Variants in GTF2E1 observed in about 807,000 individuals in gnomAD.
The protein encoded by GTF2E1 is TFIIE alpha subunit.
Under a neutral mutation model 34.9 loss-of-function variants are expected in GTF2E1, and 14 were observed. That is an observed-to-expected ratio of 0.40 (90% CI 0.27 to 0.63). The LOEUF (loss-of-function observed/expected upper bound fraction) is 0.63. GTF2E1 is among the 20% of genes least tolerant of loss of function. The probability of loss-of-function intolerance (pLI) is 0.39; values close to 1 mark genes in which losing one functional copy is unlikely to be tolerated. For synonymous variants in GTF2E1, 188 were observed against 192.9 expected (o/e 0.97, Z 0.21); for missense variants, 469 against 557.7 (o/e 0.84, Z 1.60).
chr3:120,753,121 G>T lies in GTF2E1; in HGVS notation c.448+2121G>T, dbSNP rs963728148. ...TTCTGATGTTTTGAGTTTTGTTTTTGTTTTTTTTTTTAAACTATTAATACC... is the reference window on the plus strand; with the variant it reads ...TTCTGATGTTTTGAGTTTTGTTTTTTTTTTTTTTTTTAAACTATTAATACC... On this transcript the variant is annotated intron_variant, in intron 2 of 4. Coordinates refer to ENST00000283875, the MANE Select transcript of GTF2E1 (RefSeq NM_005513.3). 1.3e-4 allele frequency among the ~76,000 whole-genome samples: 19 copies of T among 144,470 alleles called. No homozygotes were observed. The East Asian group carries it at 1.6e-3, about 12-fold the overall frequency. 94.8% of individuals were successfully genotyped at this position (144,470 alleles called of 152,430 possible). A position where few individuals can be genotyped will look rare whatever the true frequency, so the allele number is the denominator to read the frequency against.
At chr3:120,780,461 G>A (rs984091148) in intron 4 of GTF2E1, among the ~76,000 whole-genome samples, 4 of 152,178 alleles carry the variant, frequency 2.6e-5, no homozygotes, top group Non-Finnish European at 4.4e-5. Context: ...CCCTGAGGTA[G>A]GAGTGTGTCT....
Position 120,781,473 on chromosome 3 carries a change from T to G in GTF2E1, c.*3T>G, listed in dbSNP as rs779141309. 1.2e-6 allele frequency: 2 copies of G among 1,604,336 alleles called. No individual in the cohort carries two copies. Among genetic ancestry groups the G allele is most frequent in the African/African-American group, 2.7e-5 (2 of 74,770 alleles). On this transcript the variant is annotated 3_prime_UTR_variant, in exon 5 of 5. Coordinates refer to ENST00000283875, the MANE Select transcript of GTF2E1 (RefSeq NM_005513.3). ...TGTTTGAGGACCTCTTTGAGTGAGC[T>G]TTCCCTAATTCTTTCTCCTTTCTCT...
intron 3 of GTF2E1, 126 bp from the exon 4 acceptor site, chr3:120,776,297 T>A: frequency 2.5e-6 from 2 of 789,456 alleles, no homozygotes; most frequent in African/African-American, 1.7e-5. Context: ...TTAAAGCATG[T>A]GTGCATGATT....
At chr3:120,758,283 A>G (rs1266161947) in intron 2 of GTF2E1, among the ~76,000 whole-genome samples, 5 of 152,102 alleles carry the variant, frequency 3.3e-5, no homozygotes, top group Admixed American at 6.5e-5. Context: ...CACTCCCACC[A>G]ATTTTCTCTG....
chr3:120,776,778 C>A, intron 4 of GTF2E1, 114 bp downstream of exon 4: 2 of 875,054 alleles, frequency 2.3e-6, no homozygotes, highest in Non-Finnish European at 3.5e-6. Context: ...CAATTAATTG[C>A]ATTATATTAG....
At chr3:120,758,994 A>G (rs1257095068) in intron 2 of GTF2E1, among the ~76,000 whole-genome samples, 3 of 152,182 alleles carry the variant, frequency 2.0e-5, no homozygotes, top group South Asian at 2.1e-4. Flanking sequence ...AAGAATCGCC[A>G]CAGTCTTCCA....
rs1171999625 is a variant in GTF2E1 at position 120,782,681 on chromosome 3, T to C, written c.*1211T>C. The C allele has an allele frequency of 6.6e-6, 1 of 152,222 alleles. No individual in the cohort carries two copies. Among genetic ancestry groups the C allele is most frequent in the African/African-American group, 2.4e-5 (1 of 41,464 alleles). The allele number at this position is 152,222 out of a possible 1,614,324, so 9.4% of individuals were successfully genotyped here. A position where few individuals can be genotyped will look rare whatever the true frequency, so the allele number is the denominator to read the frequency against. On this transcript the variant is annotated 3_prime_UTR_variant, in exon 5 of 5. Coordinates refer to ENST00000283875, the MANE Select transcript of GTF2E1 (RefSeq NM_005513.3). Reference sequence around the variant, plus strand: ...GCCATTCCAGCAGAAATCAACAGAATAATTGATTACTCTTCTCTCTCTCTG... The same window carrying C: ...GCCATTCCAGCAGAAATCAACAGAACAATTGATTACTCTTCTCTCTCTCTG...
intron 1 of GTF2E1, among the ~76,000 whole-genome samples, chr3:120,748,237 A>T (rs1709125782): frequency 6.6e-6 from 1 of 151,872 alleles, no homozygotes; most frequent in Admixed American, 6.6e-5. Context: ...TTTGCTGTGC[A>T]GAAGCTCTTT....
At chr3:120,758,333 A>C (rs1213801169) in intron 2 of GTF2E1, among the ~76,000 whole-genome samples, 1 of 152,136 alleles carries the variant, frequency 6.6e-6, no homozygotes, top group East Asian at 1.9e-4. Context: ...TTATCCTTCC[A>C]GTCCTGTTAC....
At chr3:120,753,395 C>G (rs1370715544) in intron 2 of GTF2E1, among the ~76,000 whole-genome samples, 3 of 152,078 alleles carry the variant, frequency 2.0e-5, no homozygotes, top group African/African-American at 7.2e-5. Context: ...TGTACAAATA[C>G]CCAGTTTCTT....
At chr3:120,751,268 C>T (rs1237640257) in intron 2 of GTF2E1, among the ~76,000 whole-genome samples, 1 of 152,156 alleles carries the variant, frequency 6.6e-6, no homozygotes, top group Non-Finnish European at 1.5e-5. Flanking sequence ...CAACTGCAGC[C>T]TAATCTGAAG....
chr3:120,774,337 CAT>C (rs1709380780), intron 3 of GTF2E1, among the ~76,000 whole-genome samples: 1 of 151,960 alleles, frequency 6.6e-6, no homozygotes, highest in African/African-American at 2.4e-5. Context: ...AGCACAGAAA[CAT>C]AAAAAACCAG....
intron 4 of GTF2E1, 108 bp downstream of exon 4, chr3:120,776,772 T>A: frequency 2.2e-6 from 2 of 919,094 alleles, no homozygotes; most frequent in Non-Finnish European, 3.3e-6. Context: ...ACAGAACAAT[T>A]AATTGCATTA....
intron 1 of GTF2E1, among the ~76,000 whole-genome samples, chr3:120,748,915 C>T (rs555614720): frequency 6.6e-6 from 1 of 152,326 alleles, no homozygotes; most frequent in African/African-American, 2.4e-5. Flanking sequence ...TTTGTATCCT[C>T]TTTAAGTTCA....
intron 2 of GTF2E1, among the ~76,000 whole-genome samples, chr3:120,766,387 A>G (rs1576360660): frequency 6.6e-6 from 1 of 152,204 alleles, no homozygotes; most frequent in Non-Finnish European, 1.5e-5. Context: ...CTTTCCTATT[A>G]CTAAAGAATA....
intron 1 of GTF2E1, among the ~76,000 whole-genome samples, chr3:120,746,288 TGTG>T (rs1408432534): frequency 6.6e-6 from 1 of 152,130 alleles, no homozygotes; most frequent in Non-Finnish European, 1.5e-5. Flanking sequence ...AAAATTATCC[TGTG>T]GAGCCTGGCT....
chr3:120,775,330 C>T (rs909402165), intron 3 of GTF2E1, among the ~76,000 whole-genome samples: 4 of 152,018 alleles, frequency 2.6e-5, no homozygotes, highest in African/African-American at 7.2e-5. Context: ...AAAGGAGAAA[C>T]GTGAGACCAG....
At chr3:120,759,843 C>CTT (rs1262436219) in intron 2 of GTF2E1, among the ~76,000 whole-genome samples, 1 of 152,072 alleles carries the variant, frequency 6.6e-6, no homozygotes, top group East Asian at 1.9e-4. Context: ...TTACTGTAGC[C>CTT]TTGTAGTATA....
intron 1 of GTF2E1, among the ~76,000 whole-genome samples, chr3:120,747,818 G>A (rs898652774): frequency 3.9e-5 from 6 of 152,292 alleles, no homozygotes; most frequent in East Asian, 1.9e-4. Context: ...CTGAGGAATC[G>A]CCACACTGAC....
Sources: gnomAD v4.1 joint callset for allele counts (sites outside exome capture counted in the v4.1 genomes callset) on GRCh38, gnomAD v4.1.1 for gene constraint, MANE v1.5 for transcripts, NCBI Gene and HGNC (gene_info 2026-07-23, HGNC 2026-07-21) for gene names.